PCDHGB5: variants seen among roughly 807,000 people sequenced by gnomAD.
PCDHGB5 encodes protocadherin gamma-B5.
In PCDHGB5, 48 loss-of-function variants were observed where a neutral mutation model predicts 62.9. The ratio of observed to expected loss-of-function variants is 0.76; its 90% CI spans 0.61 to 0.97. PCDHGB5 has a LOEUF of 0.97. Ranked by LOEUF, PCDHGB5 falls within the 50% of genes least tolerant of loss-of-function variation. The pLI is 0.00. For missense variants in PCDHGB5, 1,118 were observed against 1,198.6 expected (o/e 0.93, Z 0.99); for synonymous variants, 474 against 511.2 (o/e 0.93, Z 0.98).
intron 1 of PCDHGB5, chr5:141,439,888 A>G (rs2098137228): frequency 6.6e-6 from 1 of 152,384 alleles, no homozygotes. Context: ...TCTGGGTAGA[A>G]CCAAGGCGAC....
intron 3 of PCDHGB5, 61 bp downstream of exon 3, chr5:141,505,542 A>C: frequency 2.6e-5 from 42 of 1,604,950 alleles, no homozygotes; most frequent in Non-Finnish European, 3.2e-5. Flanking sequence ...GGTGCATCTC[A>C]CAGCCACCAT....
intron 1 of PCDHGB5, among the ~76,000 whole-genome samples, chr5:141,484,764 A>G (rs1469048336): frequency 6.6e-6 from 1 of 151,806 alleles, no homozygotes; most frequent in African/African-American, 2.4e-5. Flanking sequence ...ATATATATAT[A>G]TGTTGTCTGC....
intron 1 of PCDHGB5, chr5:141,403,862 G>A (rs1370445288): frequency 1.2e-6 from 2 of 1,613,508 alleles, no homozygotes; most frequent in East Asian, 2.2e-5. Flanking sequence ...AATATCAACA[G>A]CAAAAAGTCT....
At chr5:141,409,448 C>T in intron 1 of PCDHGB5, 1 of 1,613,546 alleles carries the variant, frequency 6.2e-7, no homozygotes, top group Non-Finnish European at 8.5e-7. Context: ...AGAGCAGACA[C>T]CAGAATACAA....
At chr5:141,421,578 T>C in intron 1 of PCDHGB5, 4 of 1,613,886 alleles carry the variant, frequency 2.5e-6, no homozygotes, top group Non-Finnish European at 3.4e-6. Flanking sequence ...CCTTGAAGAT[T>C]TACGGAGTGG....
In PCDHGB5 at chr5:141,398,165, G is replaced by A. The variant is rs574512663; in HGVS notation, c.38G>A (p.Arg13Lys). Residue 13 changes from arginine to lysine, a missense_variant, in exon 1 of 4, where the codon AGG becomes AAG. Physicochemically the swap from Arg to Lys is conservative, Grantham distance 26. This residue lies in a region of PCDHGB5 where 84 missense variants were observed against 169.5 expected (regional missense o/e 0.50). Coordinates refer to ENST00000617380, the MANE Select transcript of PCDHGB5 (RefSeq NM_018925.3). Reference protein sequence around the residue: ...SGAGELGRAERLPVLFLFLLS... With the variant: ...SGAGELGRAEKLPVLFLFLLS... ...GCCGGGGAGCTGGGCCGGGCTGAGA[G>A]GCTGCCAGTGCTCTTTCTCTTCCTG... The A allele has an allele frequency of 2.7e-6, 4 of 1,479,272 alleles. No homozygotes were observed. The highest frequency in any genetic ancestry group is 2.8e-5 in the South Asian group (2 of 70,238). The allele number at this position is 1,479,272 out of a possible 1,614,324, so 91.6% of individuals were successfully genotyped here. A position where few individuals can be genotyped will look rare whatever the true frequency, so the allele number is the denominator to read the frequency against.
At position 141,398,254 on chromosome 5, in the gene PCDHGB5, A is replaced by C. The variant is rs868152545; in HGVS notation, c.127A>C (p.Lys43Gln). The C allele has an allele frequency of 6.8e-7, 1 of 1,465,852 alleles. No homozygotes were observed. The highest frequency in any genetic ancestry group is 2.5e-5 in the East Asian group (1 of 40,582). The allele number at this position is 1,465,852 out of a possible 1,614,324, so 90.8% of individuals were successfully genotyped here. A position where few individuals can be genotyped will look rare whatever the true frequency, so the allele number is the denominator to read the frequency against. ...IRYRIPEEMP[K>Q]GSVVGNLATD... Reference sequence around the variant, plus strand: ...CTACAGGATTCCCGAGGAAATGCCCAAGGGCTCCGTAGTGGGGAACCTCGC... The same window carrying C: ...CTACAGGATTCCCGAGGAAATGCCCCAGGGCTCCGTAGTGGGGAACCTCGC... Residue 43 changes from lysine (K) to glutamine (Q), a missense_variant, in exon 1 of 4, where the codon AAG becomes CAG. By Grantham distance (53) the Lys-to-Gln change is moderately conservative. This residue lies in a region of PCDHGB5 where 84 missense variants were observed against 169.5 expected (regional missense o/e 0.50). Transcript: ENST00000617380.
At chr5:141,417,503 TAA>T in intron 1 of PCDHGB5, 1 of 229,962 alleles carries the variant, frequency 4.3e-6, no homozygotes, top group East Asian at 9.7e-5. Flanking sequence ...GGAAAAAGAT[TAA>T]AATATTTTGG....
Position 141,486,344 on chromosome 5 carries a change from G to C in PCDHGB5, c.2398-8463G>C. 6.2e-7 allele frequency: 1 copy of C among 1,614,062 alleles called. No homozygotes were observed. The highest frequency in any genetic ancestry group is 8.5e-7 in the Non-Finnish European group (1 of 1,180,022). On this transcript the variant is annotated intron_variant, in intron 1 of 3. Transcript: ENST00000617380. The surrounding 1 kb of genome is among the most constrained non-coding windows in gnomAD (Gnocchi z 5.0). Reference sequence around the variant, plus strand: ...CGGAGATGTGAGCCTCCGCATTCCTGACCACTTGCCATTTGCCCTCAAGTC... The same window carrying C: ...CGGAGATGTGAGCCTCCGCATTCCTCACCACTTGCCATTTGCCCTCAAGTC...
rs945298198 is a variant in PCDHGB5, at chr5:141,399,056, A to G, written c.929A>G (p.Glu310Gly). 24 of 1,613,834 alleles carry G rather than the reference A, an allele frequency of 1.5e-5. No individual in the cohort carries two copies. Among genetic ancestry groups the G allele is most frequent in the African/African-American group, 1.2e-4 (9 of 75,056 alleles). ...AAACTGGATTTTGAAGAGACCAAGG[A>G]ATATTCAATGGTTGTAGAAGGGAGG... ...QKKLDFEETK[E>G]YSMVVEGRDG... Residue 310 changes from glutamate (E) to glycine (G), a missense_variant, in exon 1 of 4, where the codon GAA becomes GGA. Transcript: ENST00000617380.
In PCDHGB5 at chr5:141,487,087, C is replaced by G. The variant is rs752261507; in HGVS notation, c.2398-7720C>G. 1.2e-6 allele frequency: 2 copies of G among 1,613,890 alleles called. No homozygotes were observed. Among genetic ancestry groups the G allele is most frequent in the Non-Finnish European group, 1.7e-6 (2 of 1,179,804 alleles). ...CGGCTGTTCCTATCCCAGCTGACCT[C>G]CCACCACAGAAGCTGGTCATTGTGG... On this transcript the variant is annotated intron_variant, in intron 1 of 3. Transcript: ENST00000617380. The surrounding 1 kb of genome is among the most constrained non-coding windows in gnomAD (Gnocchi z 5.0).
chr5:141,426,513 CG>C, intron 1 of PCDHGB5: 1 of 341,148 alleles, frequency 2.9e-6, no homozygotes, highest in Non-Finnish European at 5.8e-6. Flanking sequence ...AATACTTTAC[CG>C]TGAACACGGA....
At chr5:141,501,841 C>T (rs2099811330) in intron 2 of PCDHGB5, among the ~76,000 whole-genome samples, 1 of 152,130 alleles carries the variant, frequency 6.6e-6, no homozygotes, top group African/African-American at 2.4e-5. Flanking sequence ...CTGTTTGGCC[C>T]TCAACCTTCA....
intron 3 of PCDHGB5, 44 bp downstream of exon 3, chr5:141,505,525 G>C: frequency 1.2e-6 from 2 of 1,612,490 alleles, no homozygotes; most frequent in Non-Finnish European, 1.7e-6. Flanking sequence ...GAGACCTGGG[G>C]TTCTGGGGTG....
chr5:141,456,275 G>A (rs1234663731), intron 1 of PCDHGB5, among the ~76,000 whole-genome samples: 1 of 152,142 alleles, frequency 6.6e-6, no homozygotes, highest in Non-Finnish European at 1.5e-5. Flanking sequence ...GCTACTTCCT[G>A]CTGAAAAGGG....
At position 141,408,231 on chromosome 5, in the gene PCDHGB5, G is replaced by C. The variant is rs775180708; in HGVS notation, c.2397+7707G>C. 1.0e-5 allele frequency: 16 copies of C among 1,567,976 alleles called. No individual in the cohort carries two copies. The highest frequency in any genetic ancestry group is 1.2e-5 in the Non-Finnish European group (14 of 1,156,162). ...GGAGGGAGCTGCGCGCAGAGGCGCC[G>C]GGCCGGCCCGCGGCAGGTGCTATTT... is the stretch of plus-strand genomic sequence containing the variant. On this transcript the variant is annotated intron_variant, in intron 1 of 3. Transcript: ENST00000617380.
In PCDHGB5 at chr5:141,415,715, T is replaced by G. The variant is rs1051923200; in HGVS notation, c.2397+15191T>G. 4 of 1,428,132 alleles carry G rather than the reference T, an allele frequency of 2.8e-6. No individual in the cohort carries two copies. In the African/African-American group the frequency reaches 4.5e-5, roughly 16 times the overall value. The allele number at this position is 1,428,132 out of a possible 1,614,324, so 88.5% of individuals were successfully genotyped here. Reference sequence around the variant, plus strand: ...GAAAGTGTAAATGCTAAAACACTGATGAGTAGAATTTGATGTTTATTAAGG... The same window carrying G: ...GAAAGTGTAAATGCTAAAACACTGAGGAGTAGAATTTGATGTTTATTAAGG... On this transcript the variant is annotated intron_variant, in intron 1 of 3. Transcript: ENST00000617380.
At chr5:141,423,790 T>C (rs1561813105) in intron 1 of PCDHGB5, 2 of 1,261,874 alleles carry the variant, frequency 1.6e-6, no homozygotes, top group Non-Finnish European at 1.0e-6. Context: ...TTCATATATA[T>C]TTAGAGCAAT....
intron 1 of PCDHGB5, chr5:141,478,346 G>A: frequency 6.2e-7 from 1 of 1,613,794 alleles, no homozygotes; most frequent in African/African-American, 1.3e-5. Context: ...CTCCTTGCAC[G>A]CGGACGCCGT....
Sources: allele counts gnomAD v4.1 joint callset (sites outside exome capture counted in the v4.1 genomes callset), GRCh38; gene constraint gnomAD v4.1.1; regional missense constraint gnomAD v4.1.1; non-coding constraint Gnocchi (gnomAD v3.1); transcripts MANE v1.5; gene names NCBI Gene and HGNC (gene_info 2026-07-23, HGNC 2026-07-21).